The following SSR2 variants were observed in gnomAD, a reference collection of about 807,000 sequenced individuals.
The protein encoded by SSR2 is signal sequence receptor subunit 2.
In SSR2, 16 loss-of-function variants were observed where a neutral mutation model predicts 22.6. The observed-to-expected ratio is 0.71, with a 90% CI of 0.48 to 1.08. The LOEUF is 1.08. Ranked by LOEUF, SSR2 falls within the 50% of genes least tolerant of loss-of-function variation. The probability of loss-of-function intolerance (pLI) is 0.00; values close to 1 mark genes in which losing one functional copy is unlikely to be tolerated. For missense variants in SSR2, 171 were observed against 221.6 expected (o/e 0.77, Z 1.45); for synonymous variants, 83 against 91.2 (o/e 0.91, Z 0.51).
At chr1:156,015,519 AAAAAAAAAAAAAAAAAATATATATAT>A (rs1301769342) in intron 3 of SSR2, among the ~76,000 whole-genome samples, 16 of 115,792 alleles carry the variant, frequency 1.4e-4, no homozygotes, top group African/African-American at 5.3e-4. Context: ...AAAAAAAAAA[AAAAAAAAAAAAAAAAAATATATATAT>A]ATATATATAT....
chr1:156,020,171 T>G lies in SSR2; in HGVS notation c.1-4A>C. ...CCACAAATGACAGCAGCCTCATCTT[T>G]AGAGAAAAAAGCAAAGTGAGTTATC... On this transcript the variant is annotated splice_polypyrimidine_tract_variant and splice_region_variant and intron_variant, in intron 1 of 5. Transcript: ENST00000295702. The G allele has an allele frequency of 6.2e-7, 1 of 1,612,350 alleles. No homozygotes were observed. The highest frequency in any genetic ancestry group is 8.5e-7 in the Non-Finnish European group (1 of 1,179,456).
At chr1:156,009,960 G>T (rs753121607) in intron 5 of SSR2, among the ~76,000 whole-genome samples, 1 of 151,660 alleles carries the variant, frequency 6.6e-6, no homozygotes, top group African/African-American at 2.4e-5. Context: ...CTTTAGTAGA[G>T]ACTGGGTTTC....
At chr1:156,019,223 A>G (rs1487960089) in intron 2 of SSR2, 3 of 452,256 alleles carry the variant, frequency 6.6e-6, no homozygotes, top group Non-Finnish European at 1.3e-5. Flanking sequence ...AGGAGGCAAT[A>G]GGTCCAAGTT....
In SSR2 at chr1:156,011,888, C is replaced by A; in HGVS notation, c.364-1G>T. 1 of 1,612,906 alleles carries A rather than the reference C, an allele frequency of 6.2e-7. No homozygotes were observed. Among genetic ancestry groups the A allele is most frequent in the Non-Finnish European group, 8.5e-7 (1 of 1,179,158 alleles). ...GTCCAGGTGCACTGGTAGAGCCAAT[C>A]TGAAAAGAAGAAAAGAACGACATTA... On this transcript the variant is annotated splice_acceptor_variant, in intron 4 of 5. Coordinates refer to ENST00000295702, the MANE Select transcript of SSR2 (RefSeq NM_003145.4). LOFTEE classifies it high-confidence loss of function.
Position 156,015,081 on chromosome 1 carries a change from G to A in SSR2, c.255-12C>T, listed in dbSNP as rs752634476. 4.4e-6 allele frequency: 7 copies of A among 1,604,422 alleles called. No homozygotes were observed. The highest frequency in any genetic ancestry group is 3.3e-4 in the Middle Eastern group (2 of 6,036). ...AGACATTGCTAGCACTGGCTCAAGAGTTAAGGAACGGAAAGAGATGAAGCT... is the reference window on the plus strand; with the variant it reads ...AGACATTGCTAGCACTGGCTCAAGAATTAAGGAACGGAAAGAGATGAAGCT... On this transcript the variant is annotated splice_polypyrimidine_tract_variant and intron_variant, in intron 3 of 5. Transcript: ENST00000295702.
intron 3 of SSR2, 68 bp downstream of exon 3, chr1:156,018,202 C>G: frequency 8.4e-7 from 1 of 1,186,676 alleles, no homozygotes; most frequent in Non-Finnish European, 1.3e-6. Flanking sequence ...TTTGAAGTAC[C>G]CCTGCTGCTT....
chr1:156,018,493 A>C (rs1683095466), intron 2 of SSR2, 125 bp from the exon 3 acceptor site: 6 of 580,646 alleles, frequency 1.0e-5, no homozygotes, highest in South Asian at 1.8e-5. Flanking sequence ...AGATCACCTG[A>C]GGTCAGGAGT....
intron 3 of SSR2, among the ~76,000 whole-genome samples, chr1:156,016,107 C>A (rs1214030262): frequency 6.6e-6 from 1 of 151,878 alleles, no homozygotes; most frequent in Non-Finnish European, 1.5e-5. Flanking sequence ...GCCGAGATTG[C>A]ACCATTGCAC....
rs1169214264 is a variant in SSR2, at chr1:156,015,505, C to CAAAAAAA, written c.255-443_255-437dup. 3.2e-4 allele frequency among the ~76,000 whole-genome samples: 13 copies of CAAAAAAA among 41,032 alleles called. 2 individuals carry two copies. The highest frequency in any genetic ancestry group is 3.6e-4 in the Non-Finnish European group (10 of 27,938). The allele number at this position is 41,032 out of a possible 152,430, so 26.9% of individuals were successfully genotyped here. ...TGGGTAACAGAGTGAGACTCCGCCT[C>CAAAAAAA]AAAAAAAAAAAAAAAAAAAAAAAAA... is the stretch of plus-strand genomic sequence containing the variant. On this transcript the variant is annotated intron_variant, in intron 3 of 5. Coordinates refer to ENST00000295702, the MANE Select transcript of SSR2 (RefSeq NM_003145.4).
At chr1:156,012,417 CT>C in intron 4 of SSR2, 1 of 410,144 alleles carries the variant, frequency 2.4e-6, no homozygotes, top group Non-Finnish European at 4.9e-6. Flanking sequence ...GGGGTTGAGT[CT>C]GGTCCACATT....
chr1:156,015,972 G>A (rs560440806), intron 3 of SSR2, among the ~76,000 whole-genome samples: 4 of 151,914 alleles, frequency 2.6e-5, no homozygotes, highest in Non-Finnish European at 5.9e-5. Context: ...CCAACATGGC[G>A]AAACCCCGTC....
chr1:156,019,724 G>A (rs1488529738), intron 2 of SSR2, among the ~76,000 whole-genome samples: 1 of 152,144 alleles, frequency 6.6e-6, no homozygotes, highest in Non-Finnish European at 1.5e-5. Flanking sequence ...ACAAGGGATT[G>A]TGTATTTTCT....
intron 5 of SSR2, 98 bp downstream of exon 5, chr1:156,011,712 C>T: frequency 1.0e-6 from 1 of 983,980 alleles, no homozygotes; most frequent in Non-Finnish European, 1.6e-6. Context: ...GGGCAAGAAC[C>T]AACCAACAAA....
At chr1:156,014,687 G>A (rs901599469) in intron 4 of SSR2, 7 of 247,860 alleles carry the variant, frequency 2.8e-5, no homozygotes, top group East Asian at 9.3e-5. Context: ...GATTACAGGC[G>A]CCTGCCACCA....
At chr1:156,018,694 G>C (rs34995046) in intron 2 of SSR2, among the ~76,000 whole-genome samples, 3 of 151,324 alleles carry the variant, frequency 2.0e-5, no homozygotes, top group Non-Finnish European at 2.9e-5. Context: ...GGGACAGAGC[G>C]AGACTCTGTC....
At position 156,014,987 on chromosome 1, in the gene SSR2, G is replaced by C; in HGVS notation, c.337C>G (p.Leu113Val). ...ACAACGGGCCCATCCTCCTGGGCCAGGTAAGTAATTGTTGCCGAGGTGAAG... is the reference window on the plus strand; with the variant it reads ...ACAACGGGCCCATCCTCCTGGGCCACGTAAGTAATTGTTGCCGAGGTGAAG... ...FNFTSATITY[L>V]AQEDGPVVIG... Residue 113 changes from leucine to valine, a missense_variant, in exon 4 of 6, where the codon CTG (leucine) becomes GTG (valine). Transcript: ENST00000295702. 6.2e-7 allele frequency: 1 copy of C among 1,613,962 alleles called. No homozygotes were observed. The highest frequency in any genetic ancestry group is 8.5e-7 in the Non-Finnish European group (1 of 1,179,912).
At chr1:156,019,959 A>T in intron 2 of SSR2, 54 bp downstream of exon 2, 1 of 1,579,414 alleles carries the variant, frequency 6.3e-7, no homozygotes, top group East Asian at 2.3e-5. Context: ...TTCCCATCTG[A>T]AAACTAAGAA....
Position 156,017,861 on chromosome 1 carries a change from C to G in SSR2, c.254+409G>C, listed in dbSNP as rs1683082778. Among the ~76,000 whole-genome samples, 3 of 142,278 alleles carry G rather than the reference C, an allele frequency of 2.1e-5. No homozygotes were observed. In the South Asian group the frequency reaches 6.9e-4, roughly 33 times the overall value. 93.3% of individuals were successfully genotyped at this position (142,278 alleles called of 152,430 possible). A position where few individuals can be genotyped will look rare whatever the true frequency, so the allele number is the denominator to read the frequency against. On this transcript the variant is annotated intron_variant, in intron 3 of 5. Coordinates refer to ENST00000295702, the MANE Select transcript of SSR2 (RefSeq NM_003145.4). Reference sequence around the variant, plus strand: ...CGCCTCCTGGGTTCAAGTGATTCTCCTGCCTCAGCCTCCCAAGTAGCTAGA... The same window carrying G: ...CGCCTCCTGGGTTCAAGTGATTCTCGTGCCTCAGCCTCCCAAGTAGCTAGA...
intron 1 of SSR2, 115 bp from the exon 2 acceptor site, chr1:156,020,282 T>G: frequency 1.8e-6 from 2 of 1,112,780 alleles, no homozygotes; most frequent in Non-Finnish European, 2.6e-6. Context: ...AGCAGCCCCT[T>G]CCACAGAGTA....
Sources: allele counts gnomAD v4.1 joint callset (sites outside exome capture counted in the v4.1 genomes callset), GRCh38; gene constraint gnomAD v4.1.1; transcripts MANE v1.5; gene names NCBI Gene and HGNC (gene_info 2026-07-23, HGNC 2026-07-21).